Variants in PAG1 observed in about 807,000 individuals in gnomAD.
PAG1 encodes phosphoprotein membrane anchor with glycosphingolipid microdomains 1.
PAG1 carries 23 observed loss-of-function variants against 31.7 expected under a neutral mutation model. The observed-to-expected ratio is 0.73, with a 90% confidence interval of 0.52 to 1.03. The LOEUF (loss-of-function observed/expected upper bound fraction) is 1.03. PAG1 is among the 50% of genes least tolerant of loss of function. The pLI is 0.00. For missense variants in PAG1, 473 were observed against 540.7 expected, an observed-to-expected ratio of 0.87 and a Z score of 1.24; for synonymous variants, 214 against 210.3, an observed-to-expected ratio of 1.02 and a Z score of -0.15.
intron 1 of PAG1, among the ~76,000 whole-genome samples, chr8:81,091,905 C>A (rs75197615): frequency 6.7e-6 from 1 of 150,182 alleles, no homozygotes; most frequent in African/African-American, 2.4e-5. Context: ...AAGGGTGAGG[C>A]GGGAGAATTG....
At chr8:81,065,597 C>T (rs1277472594) in intron 2 of PAG1, among the ~76,000 whole-genome samples, 2 of 152,008 alleles carry the variant, frequency 1.3e-5, no homozygotes, top group Non-Finnish European at 2.9e-5. Flanking sequence ...GATCAGACTG[C>T]TAATAAAAAA....
chr8:81,036,318 A>G (rs1052490221), intron 2 of PAG1, among the ~76,000 whole-genome samples: 4 of 152,162 alleles, frequency 2.6e-5, no homozygotes. Flanking sequence ...CCAGTTATTA[A>G]CCCAGCTAAT....
rs1039512605 is a variant in PAG1 at position 80,972,355 on chromosome 8, T to C, written c.*4189A>G. On this transcript the variant is annotated 3_prime_UTR_variant, in exon 9 of 9. Coordinates refer to ENST00000220597, the MANE Select transcript of PAG1 (RefSeq NM_018440.4). ...GGCACTGGAAAAAAAGGTCATTTGC[T>C]CATTTACAAAATCCTAATTGAACTA... 2.6e-5 allele frequency: 4 copies of C among 152,236 alleles called. No homozygotes were observed. The highest frequency in any genetic ancestry group is 9.6e-5 in the African/African-American group (4 of 41,460). 9.4% of individuals were successfully genotyped at this position (152,236 alleles called of 1,614,324 possible). A position where few individuals can be genotyped will look rare whatever the true frequency, so the allele number is the denominator to read the frequency against.
chr8:81,067,189 T>C (rs1809022588), intron 2 of PAG1, among the ~76,000 whole-genome samples: 1 of 152,166 alleles, frequency 6.6e-6, no homozygotes, highest in Non-Finnish European at 1.5e-5. Context: ...ATTATGTATG[T>C]TTGCCTGGGA....
At chr8:81,051,440 C>T (rs1423469826) in intron 2 of PAG1, among the ~76,000 whole-genome samples, 2 of 152,152 alleles carry the variant, frequency 1.3e-5, no homozygotes, top group Non-Finnish European at 2.9e-5. Context: ...TTCATCTTCC[C>T]ACCTTTTTTG....
chr8:81,076,307 A>G (rs542903062), intron 1 of PAG1, among the ~76,000 whole-genome samples: 6 of 152,344 alleles, frequency 3.9e-5, no homozygotes, highest in African/African-American at 1.4e-4. Flanking sequence ...GTATCACCTA[A>G]CAGCCCATGA....
intron 8 of PAG1, 49 bp downstream of exon 8, chr8:80,980,386 G>A (rs748604179): frequency 3.1e-6 from 3 of 974,612 alleles, no homozygotes; most frequent in Non-Finnish European, 5.0e-6. Context: ...AGGGGGGAAG[G>A]TCTATTCTTT....
At chr8:81,055,598 G>A (rs1411093834) in intron 2 of PAG1, among the ~76,000 whole-genome samples, 4 of 151,984 alleles carry the variant, frequency 2.6e-5, no homozygotes, top group Non-Finnish European at 5.9e-5. Flanking sequence ...AGCATGGAAT[G>A]TTCTTCCATT....
intron 3 of PAG1, among the ~76,000 whole-genome samples, chr8:81,021,539 T>C (rs555401772): frequency 1.6e-4 from 23 of 143,056 alleles, no homozygotes; most frequent in Non-Finnish European, 2.3e-4. Context: ...TGTGTGTGTG[T>C]GCCTCTGTGT....
At chr8:81,109,874 T>C (rs975219319) in intron 1 of PAG1, among the ~76,000 whole-genome samples, 4 of 152,198 alleles carry the variant, frequency 2.6e-5, no homozygotes, top group African/African-American at 7.2e-5. Flanking sequence ...CCTGGCTCCA[T>C]AGCCTGTCCT....
At chr8:80,978,908 T>C (rs1447733380) in intron 8 of PAG1, among the ~76,000 whole-genome samples, 3 of 152,252 alleles carry the variant, frequency 2.0e-5, no homozygotes, top group African/African-American at 7.2e-5. Context: ...TGTAAATTGT[T>C]GCTATATTCC....
In PAG1 at chr8:80,980,455, G is replaced by T. The variant is rs764144160; in HGVS notation, c.916C>A (p.Pro306Thr). Residue 306 changes from proline to threonine, a missense_variant, in exon 8 of 9, where the codon CCC (proline) becomes ACC (threonine). Pro to Thr is a conservative substitution (Grantham distance 38, BLOSUM62 -1). Coordinates refer to ENST00000220597, the MANE Select transcript of PAG1 (RefSeq NM_018440.4). ...CTTACCTCTTCTTCTGTGAGAGTGG[G>T]GTCTTCTTCCCGAGACTTGTATGAC... Reference protein sequence around the residue: ...SLSYKSREEDPTLTEEEISAM... With the variant: ...SLSYKSREEDTTLTEEEISAM... 3 of 1,603,600 alleles carry T rather than the reference G, an allele frequency of 1.9e-6. No individual in the cohort carries two copies. The highest frequency in any genetic ancestry group is 1.7e-6 in the Non-Finnish European group (2 of 1,170,718).
At position 80,979,880 on chromosome 8, in the gene PAG1, G is replaced by A. The variant is rs79923821; in HGVS notation, c.936+555C>T. Among the ~76,000 whole-genome samples, 961 of 152,000 alleles carry A rather than the reference G, an allele frequency of 6.3e-3. 10 individuals carry two copies. The highest frequency in any genetic ancestry group is 0.022 in the African/African-American group (901 of 41,428). The stretch of plus-strand genomic sequence containing the variant: ...TAATGCTTCATTGAAAATCTAACTC[G>A]TGAATTTTGCACCCTGGTGCTTGGG... On this transcript the variant is annotated intron_variant, in intron 8 of 8. Transcript: ENST00000220597.
intron 3 of PAG1, among the ~76,000 whole-genome samples, chr8:81,005,162 G>A (rs1807853617): frequency 6.6e-6 from 1 of 151,964 alleles, no homozygotes; most frequent in Admixed American, 6.5e-5. Flanking sequence ...CCAGGACGCA[G>A]GGGCCTTGTG....
chr8:80,988,263 T>C (rs563233833), intron 5 of PAG1, among the ~76,000 whole-genome samples: 1 of 152,266 alleles, frequency 6.6e-6, no homozygotes, highest in South Asian at 2.1e-4. Context: ...TAAATCATTA[T>C]TGGTAAAGGT....
At chr8:80,996,037 C>A (rs1807665856) in intron 3 of PAG1, among the ~76,000 whole-genome samples, 1 of 152,234 alleles carries the variant, frequency 6.6e-6, no homozygotes, top group Non-Finnish European at 1.5e-5. Context: ...TTACTGTGGA[C>A]AAAATTCTCA....
At chr8:81,004,709 A>C (rs745337899) in intron 3 of PAG1, among the ~76,000 whole-genome samples, 1 of 152,216 alleles carries the variant, frequency 6.6e-6, no homozygotes, top group Non-Finnish European at 1.5e-5. Context: ...TTTAATCACA[A>C]TAATTGCTGC....
intron 2 of PAG1, among the ~76,000 whole-genome samples, chr8:81,046,022 T>C (rs1808636354): frequency 1.3e-5 from 2 of 152,298 alleles, no homozygotes; most frequent in African/African-American, 4.8e-5. Flanking sequence ...TCTCTCCTCT[T>C]TTTCTCTGTG....
chr8:80,996,555 G>A (rs1807676654), intron 3 of PAG1, among the ~76,000 whole-genome samples: 1 of 152,136 alleles, frequency 6.6e-6, no homozygotes, highest in Non-Finnish European at 1.5e-5. Flanking sequence ...CTGCTCACAG[G>A]TCTAGATGGA....
Sources: gnomAD v4.1 joint callset for allele counts (sites outside exome capture counted in the v4.1 genomes callset) on GRCh38, gnomAD v4.1.1 for gene constraint, MANE v1.5 for transcripts, NCBI Gene and HGNC (gene_info 2026-07-23, HGNC 2026-07-21) for gene names.